Variants in CREBRF observed in about 807,000 individuals in gnomAD.
The protein encoded by CREBRF is UPF0474 protein C5orf41.
In CREBRF, 5 loss-of-function variants were observed where a neutral mutation model predicts 66.1. That is an observed-to-expected ratio of 0.08 (90% CI 0.04 to 0.16). CREBRF has a LOEUF of 0.16. CREBRF is among the 10% of genes least tolerant of loss of function. The pLI is 1.00. For synonymous variants in CREBRF, 229 were observed against 264.4 expected (o/e 0.87, Z 1.30); for missense variants, 531 against 744.9 (o/e 0.71, Z 3.34).
intron 1 of CREBRF, among the ~76,000 whole-genome samples, chr5:173,062,397 G>A (rs755370093): frequency 1.6e-4 from 24 of 152,186 alleles, no homozygotes; most frequent in Admixed American, 1.1e-3. Flanking sequence ...TCTACTATTA[G>A]AGATGTTGGG....
chr5:173,107,817 A>AAT (rs1561810935), intron 4 of CREBRF, among the ~76,000 whole-genome samples: 1 of 121,848 alleles, frequency 8.2e-6, no homozygotes. Flanking sequence ...TCTCTACAAA[A>AAT]TTTTTTTTTT....
chr5:173,128,582 A>G (rs1406473626), intron 8 of CREBRF, among the ~76,000 whole-genome samples: 2 of 151,760 alleles, frequency 1.3e-5, no homozygotes, highest in South Asian at 2.1e-4. Flanking sequence ...TTTGAATAGT[A>G]TTTATTAGTA....
intron 4 of CREBRF, among the ~76,000 whole-genome samples, chr5:173,108,123 C>G (rs565036626): frequency 6.6e-6 from 1 of 151,236 alleles, no homozygotes; most frequent in African/African-American, 2.4e-5. Context: ...TGAGCCACCA[C>G]GCCTGGCCTA....
chr5:173,134,418 T>A lies in CREBRF; in HGVS notation c.*673T>A. ...AAAACCCTAATGAGAAAAAACAAGA[T>A]ATATAGATGGAAAAATTATGGGGTT... On this transcript the variant is annotated 3_prime_UTR_variant, in exon 9 of 9. Coordinates refer to ENST00000296953, the MANE Select transcript of CREBRF (RefSeq NM_153607.3). 1 of 319,840 alleles carries A rather than the reference T, an allele frequency of 3.1e-6. No individual in the cohort carries two copies. 19.8% of individuals were successfully genotyped at this position (319,840 alleles called of 1,614,324 possible).
At position 173,091,719 on chromosome 5, in the gene CREBRF, G is replaced by C. The variant is rs1328858667; in HGVS notation, c.1222+318G>C. 5 of 1,033,968 alleles carry C rather than the reference G, an allele frequency of 4.8e-6. No individual in the cohort carries two copies. The Admixed American group carries it at 2.6e-4, about 55-fold the overall frequency. The allele number at this position is 1,033,968 out of a possible 1,614,324, so 64.0% of individuals were successfully genotyped here. A position where few individuals can be genotyped will look rare whatever the true frequency, so the allele number is the denominator to read the frequency against. ...AGGACTTATTCTTAATGTATCTTAT[G>C]TTAAGTGACCTGTTTTGTCACTCTC... On this transcript the variant is annotated intron_variant, in intron 4 of 8. Coordinates refer to ENST00000296953, the MANE Select transcript of CREBRF (RefSeq NM_153607.3).
chr5:173,102,787 C>G (rs1303556258), intron 4 of CREBRF, among the ~76,000 whole-genome samples: 1 of 152,052 alleles, frequency 6.6e-6, no homozygotes, highest in African/African-American at 2.4e-5. Context: ...TGGGTGGGCC[C>G]TGAGCCTAGG....
chr5:173,125,075 C>T (rs1759238672), intron 8 of CREBRF, among the ~76,000 whole-genome samples: 1 of 151,964 alleles, frequency 6.6e-6, no homozygotes, highest in Non-Finnish European at 1.5e-5. Flanking sequence ...CCCACCACCA[C>T]ACCTGGCTAA....
chr5:173,095,477 C>T (rs1269906307), intron 4 of CREBRF, among the ~76,000 whole-genome samples: 2 of 152,094 alleles, frequency 1.3e-5, no homozygotes, highest in Non-Finnish European at 2.9e-5. Context: ...GCATGAGCCA[C>T]CGTGCCTGGC....
In CREBRF at chr5:173,086,615, A is replaced by T. The variant is rs755424130; in HGVS notation, c.124A>T (p.Met42Leu). 3 of 1,611,014 alleles carry T rather than the reference A, an allele frequency of 1.9e-6. No homozygotes were observed. The highest frequency in any genetic ancestry group is 8.5e-7 in the Non-Finnish European group (1 of 1,178,764). Reference protein sequence around the residue: ...LLANSSDPDFMYELDREMNYQ... With the variant: ...LLANSSDPDFLYELDREMNYQ... The stretch of plus-strand genomic sequence containing the variant: ...AGCAAACAGTTCGGATCCAGATTTC[A>T]TGTATGAACTGGTAAGCAACATTTT... The change falls in exon 3 of 9, where the codon ATG (methionine) becomes TTG (leucine). Residue 42 changes from methionine to leucine, a missense_variant. Physicochemically the swap from Met to Leu is conservative, Grantham distance 15 (BLOSUM62 2). Coordinates refer to ENST00000296953, the MANE Select transcript of CREBRF (RefSeq NM_153607.3).
chr5:173,095,532 A>C (rs1216749636), intron 4 of CREBRF, among the ~76,000 whole-genome samples: 1 of 152,094 alleles, frequency 6.6e-6, no homozygotes. Context: ...ATCAGATAAT[A>C]TGATGCCTCC....
chr5:173,130,170 C>G (rs188036527), intron 8 of CREBRF, among the ~76,000 whole-genome samples: 4 of 152,132 alleles, frequency 2.6e-5, no homozygotes, highest in African/African-American at 7.2e-5. Context: ...GTTATTTATT[C>G]TGGAGGTTGT....
intron 4 of CREBRF, among the ~76,000 whole-genome samples, chr5:173,103,003 T>C (rs1215339347): frequency 6.6e-6 from 1 of 152,210 alleles, no homozygotes; most frequent in Non-Finnish European, 1.5e-5. Flanking sequence ...ATCACATGGT[T>C]AATTGATCGC....
chr5:173,123,380 G>T, intron 8 of CREBRF, 178 bp downstream of exon 8: 1 of 524,018 alleles, frequency 1.9e-6, no homozygotes. Flanking sequence ...ATGTGTTGCA[G>T]GTGACCACAA....
At chr5:173,091,842 T>C in intron 4 of CREBRF, 1 of 950,506 alleles carries the variant, frequency 1.1e-6, no homozygotes, top group Non-Finnish European at 1.3e-6. Flanking sequence ...CCCAGCACTT[T>C]GGGAGGCCGA....
intron 1 of CREBRF, among the ~76,000 whole-genome samples, chr5:173,064,025 GT>G (rs1483402614): frequency 6.6e-6 from 1 of 151,848 alleles, no homozygotes; most frequent in East Asian, 1.9e-4. Flanking sequence ...CTGGCCTAAA[GT>G]TTTTTTTCTT....
rs201563274 is a variant in CREBRF at position 173,123,215 on chromosome 5, C to T, written c.1804+13C>T. 4.0e-5 allele frequency: 64 copies of T among 1,587,124 alleles called. No individual in the cohort carries two copies. The highest frequency in any genetic ancestry group is 4.0e-4 in the South Asian group (34 of 85,488). ...AAAGATACTCTCGGTAAGAAGAATG[C>T]GAGATAAATTCATAACAATTAATAA... On this transcript the variant is annotated intron_variant, in intron 8 of 8. Transcript: ENST00000296953.
intron 8 of CREBRF, among the ~76,000 whole-genome samples, chr5:173,132,387 G>A (rs1404728472): frequency 3.7e-5 from 5 of 134,674 alleles, no homozygotes; most frequent in South Asian, 5.0e-4. Flanking sequence ...GCGCCCAGCC[G>A]ACAAATTCTT....
chr5:173,127,013 G>C (rs769784771), intron 8 of CREBRF, among the ~76,000 whole-genome samples: 7 of 152,138 alleles, frequency 4.6e-5, no homozygotes, highest in Non-Finnish European at 8.8e-5. Flanking sequence ...GAAGGTCAAG[G>C]CTTCAATGAG....
In CREBRF at chr5:173,134,265, AATATAT is replaced by A. The variant is rs748323611; in HGVS notation, c.*540_*545del. 45 of 139,326 alleles carry A rather than the reference AATATAT, an allele frequency of 3.2e-4. No individual in the cohort carries two copies. Among genetic ancestry groups the A allele is most frequent in the Non-Finnish European group, 5.0e-4 (33 of 65,378 alleles). The allele number at this position is 139,326 out of a possible 1,614,324, so 8.6% of individuals were successfully genotyped here. Reference sequence around the variant, plus strand: ...GTCAGAGCTCAAGATGATATATATAAATATATATATATATATATATATATACACACA... The same window carrying A: ...GTCAGAGCTCAAGATGATATATATAAATATATATATATATATATACACACA... On this transcript the variant is annotated 3_prime_UTR_variant, in exon 9 of 9. Transcript: ENST00000296953.
Sources: allele counts gnomAD v4.1 joint callset (sites outside exome capture counted in the v4.1 genomes callset), GRCh38; gene constraint gnomAD v4.1.1; transcripts MANE v1.5; gene names NCBI Gene and HGNC (gene_info 2026-07-23, HGNC 2026-07-21).